The following AGTPBP1 variants were observed in gnomAD, a reference collection of about 807,000 sequenced individuals.
AGTPBP1 encodes the protein cytosolic carboxypeptidase 1.
In AGTPBP1, 70 loss-of-function variants were observed where a neutral mutation model predicts 143.9. The observed-to-expected ratio is 0.49, with a 90% CI of 0.40 to 0.59. The LOEUF (loss-of-function observed/expected upper bound fraction) is 0.59. Among genes scored for constraint, AGTPBP1 ranks in the 20% least tolerant of loss-of-function variants. The pLI, the probability that AGTPBP1 is intolerant of heterozygous loss-of-function variation, is 0.00. For synonymous variants in AGTPBP1, 463 were observed against 500.2 expected (o/e 0.93, Z 0.99); for missense variants, 1,229 against 1,464.5 (o/e 0.84, Z 2.62).
At chr9:85,697,452 T>TG (rs938417203) in intron 2 of AGTPBP1, among the ~76,000 whole-genome samples, 6 of 131,728 alleles carry the variant, frequency 4.6e-5, no homozygotes, top group East Asian at 2.2e-4. Context: ...TTTGTTTTTT[T>TG]TTTTTTTTTT....
At chr9:85,774,939 T>C in the AGTPBP1 span, among the ~76,000 whole-genome samples, 942 of 152,300 alleles carry the variant, frequency 6.2e-3, 14 homozygotes, top group African/African-American at 0.022. Context: ...GTTCCGAAAC[T>C]GATATTTTAA....
At position 85,589,633 on chromosome 9, in the gene AGTPBP1, A is replaced by T; in HGVS notation, c.2617T>A (p.Phe873Ile). 6.2e-7 allele frequency: 1 copy of T among 1,613,492 alleles called. No homozygotes were observed. The highest frequency in any genetic ancestry group is 8.5e-7 in the Non-Finnish European group (1 of 1,179,652). ...GTTTCACATAACACATCTTTCCGAA[A>T]ATAGATTTGCTGAGGATTGTGTGCT... ...ESAHNPQQIY[F>I]RKDVLCETLS... Residue 873 changes from phenylalanine (F) to isoleucine (I), a missense_variant, in exon 20 of 26, where the codon TTT (phenylalanine) becomes ATT (isoleucine). Phe to Ile is a conservative substitution (Grantham distance 21). This residue lies in a region of AGTPBP1 where 486 missense variants were observed against 652.3 expected (regional missense o/e 0.75). Transcript: ENST00000357081.
intron 17 of AGTPBP1, among the ~76,000 whole-genome samples, chr9:85,616,035 A>G (rs546779830): frequency 1.3e-4 from 20 of 152,014 alleles, no homozygotes; most frequent in Non-Finnish European, 2.7e-4. Context: ...ATGAAATTGC[A>G]TTGGTTATGA....
At chr9:85,621,133 T>C in intron 15 of AGTPBP1, 69 bp downstream of exon 15, 3 of 848,486 alleles carry the variant, frequency 3.5e-6, no homozygotes, top group South Asian at 2.5e-5. Context: ...TTTTTATCTT[T>C]TAGAAATAAT....
At chr9:85,647,218 G>A (rs562909824) in intron 11 of AGTPBP1, among the ~76,000 whole-genome samples, 4 of 152,056 alleles carry the variant, frequency 2.6e-5, no homozygotes, top group Non-Finnish European at 5.9e-5. Flanking sequence ...CGGAGGTTGC[G>A]GTGAGCCAAG....
chr9:85,767,581 C>T, the AGTPBP1 span, among the ~76,000 whole-genome samples: 306 of 151,984 alleles, frequency 2.0e-3, 1 homozygote, highest in Non-Finnish European at 3.3e-3. Flanking sequence ...CTCCTGACCT[C>T]GTGATCCACC....
chr9:85,573,794 C>T lies in AGTPBP1; in HGVS notation c.3503+1521G>A, dbSNP rs550058279. On this transcript the variant is annotated intron_variant, in intron 25 of 25. Coordinates refer to ENST00000357081, the MANE Select transcript of AGTPBP1 (RefSeq NM_001330701.2). ...TGTGAGGAGCGCCTCTGCCCGGCAG[C>T]GACCCCGTCTGGGAGGTGAGGAGCG... 1.8e-3 allele frequency among the ~76,000 whole-genome samples: 274 copies of T among 151,654 alleles called. 1 individual carries two copies. Among genetic ancestry groups the T allele is most frequent in the African/African-American group, 6.5e-3 (269 of 41,342 alleles).
In AGTPBP1 at chr9:85,632,846, C is replaced by T; in HGVS notation, c.1831G>A (p.Val611Ile). 1 of 1,614,136 alleles carries T rather than the reference C, an allele frequency of 6.2e-7. No homozygotes were observed. The highest frequency in any genetic ancestry group is 1.6e-4 in the Middle Eastern group (1 of 6,062). The change falls in exon 14 of 26, where the codon GTA becomes ATA. Residue 611 changes from valine (V) to isoleucine (I), a missense_variant. Coordinates refer to ENST00000357081, the MANE Select transcript of AGTPBP1 (RefSeq NM_001330701.2). ...GGTACTTCAACCGATGCTTGTTCTA[C>T]CGATGAATTTGACTCAGTATCTTCA... ...DDEDTESNSS[V>I]EQASVEVPDG...
chr9:85,802,237 C>G, the AGTPBP1 span, among the ~76,000 whole-genome samples: 1 of 152,272 alleles, frequency 6.6e-6, no homozygotes, highest in South Asian at 2.1e-4. Flanking sequence ...TTCAGTCACT[C>G]TACCGTCTTT....
chr9:85,732,885 G>A (rs1284345225), intron 1 of AGTPBP1, among the ~76,000 whole-genome samples: 7 of 151,966 alleles, frequency 4.6e-5, no homozygotes, highest in Non-Finnish European at 7.4e-5. Flanking sequence ...AAGAGAAAAA[G>A]TATATTATAT....
chr9:85,611,308 A>T (rs966867749), intron 17 of AGTPBP1, among the ~76,000 whole-genome samples: 11 of 151,952 alleles, frequency 7.2e-5, no homozygotes, highest in Non-Finnish European at 1.6e-4. Flanking sequence ...TAAACAGGTT[A>T]AACTCCTCTA....
At chr9:85,580,449 C>T (rs948100683) in intron 23 of AGTPBP1, among the ~76,000 whole-genome samples, 1 of 151,574 alleles carries the variant, frequency 6.6e-6, no homozygotes, top group Non-Finnish European at 1.5e-5. Context: ...CTCACCACAA[C>T]CTCTGCGTCC....
upstream of AGTPBP1, chr9:85,742,078 C>G (rs1485503319): frequency 4.5e-6 from 5 of 1,122,202 alleles, no homozygotes; most frequent in African/African-American, 6.6e-5. Flanking sequence ...GGGCGGAGCG[C>G]ACGCCCTCTT....
At chr9:85,740,249 C>T (rs368563998) in intron 1 of AGTPBP1, among the ~76,000 whole-genome samples, 1 of 152,138 alleles carries the variant, frequency 6.6e-6, no homozygotes, top group South Asian at 2.1e-4. Flanking sequence ...ACTTCATTTC[C>T]GAGTTCAGAG....
At chr9:85,639,465 T>C (rs887942064) in intron 13 of AGTPBP1, among the ~76,000 whole-genome samples, 2 of 144,594 alleles carry the variant, frequency 1.4e-5, no homozygotes, top group Admixed American at 1.4e-4. Flanking sequence ...AAAAAGAAAA[T>C]AAAAAAGAAT....
intron 22 of AGTPBP1, among the ~76,000 whole-genome samples, chr9:85,586,156 T>C (rs983742886): frequency 2.1e-4 from 31 of 149,884 alleles, no homozygotes; most frequent in African/African-American, 6.6e-4. Flanking sequence ...GAGGTTGCAG[T>C]GAGCCGAGGT....
intron 14 of AGTPBP1, among the ~76,000 whole-genome samples, chr9:85,632,101 A>G (rs1367492753): frequency 6.6e-6 from 1 of 151,866 alleles, no homozygotes; most frequent in Non-Finnish European, 1.5e-5. Context: ...AGGTATATAT[A>G]TATATATTTA....
intron 11 of AGTPBP1, among the ~76,000 whole-genome samples, chr9:85,650,120 T>C (rs1833066240): frequency 6.6e-6 from 1 of 150,378 alleles, no homozygotes; most frequent in African/African-American, 2.4e-5. Flanking sequence ...AGAACTAATC[T>C]ATGAAGTCAT....
chr9:85,704,158 G>A (rs1836840025), intron 2 of AGTPBP1, among the ~76,000 whole-genome samples: 1 of 152,160 alleles, frequency 6.6e-6, no homozygotes, highest in African/African-American at 2.4e-5. Context: ...ACAGTTTCAG[G>A]TAATGTAAGA....
Sources: gnomAD v4.1 joint callset for allele counts (sites outside exome capture counted in the v4.1 genomes callset) on GRCh38, gnomAD v4.1.1 for gene constraint, gnomAD v4.1.1 regional missense constraint, MANE v1.5 for transcripts, NCBI Gene and HGNC (gene_info 2026-07-23, HGNC 2026-07-21) for gene names.